Variants in FILIP1L observed in about 807,000 individuals in gnomAD.
FILIP1L encodes filamin A interacting protein 1 like.
A neutral mutation model predicts 96.6 loss-of-function variants in FILIP1L; 55 were observed. That is an observed-to-expected ratio of 0.57 (90% CI 0.46 to 0.71). The LOEUF (loss-of-function observed/expected upper bound fraction) is 0.71. FILIP1L is among the 30% of genes least tolerant of loss of function. The pLI is 0.00. For synonymous variants in FILIP1L, 467 were observed against 473.9 expected, an observed-to-expected ratio of 0.99 and a Z score of 0.19; for missense variants, 1,304 against 1,321.2, an observed-to-expected ratio of 0.99 and a Z score of 0.20.
intron 1 of FILIP1L, among the ~76,000 whole-genome samples, chr3:99,936,369 CT>C (rs548149257): frequency 9.3e-3 from 804 of 86,404 alleles, no homozygotes; most frequent in African/African-American, 0.019. Context: ...AGCTTGAAGC[CT>C]TTTTTTTTTT....
intron 1 of FILIP1L, among the ~76,000 whole-genome samples, chr3:99,959,606 A>C (rs1708435031): frequency 6.6e-6 from 1 of 152,196 alleles, no homozygotes; most frequent in African/African-American, 2.4e-5. Context: ...TAGCAGTCTG[A>C]TAAATTGAAT....
intron 5 of FILIP1L, among the ~76,000 whole-genome samples, chr3:99,832,826 C>G (rs1180833366): frequency 8.3e-6 from 1 of 120,480 alleles, no homozygotes; most frequent in Admixed American, 1.0e-4. Context: ...GGCCACAGAG[C>G]AAGACTCTGT....
chr3:99,855,240 A>C (rs1943903942), intron 4 of FILIP1L, among the ~76,000 whole-genome samples: 1 of 152,176 alleles, frequency 6.6e-6, no homozygotes, highest in Non-Finnish European at 1.5e-5. Context: ...ATTAACTAAA[A>C]TCTGTCCACA....
At chr3:100,071,210 G>T (rs139015215) in intron 1 of FILIP1L, among the ~76,000 whole-genome samples, 8 of 146,722 alleles carry the variant, frequency 5.5e-5, no homozygotes, top group African/African-American at 2.0e-4. Flanking sequence ...GTGGAGAAAA[G>T]AAATTAGATT....
intron 1 of FILIP1L, among the ~76,000 whole-genome samples, chr3:100,085,030 A>G (rs941453542): frequency 1.3e-5 from 2 of 152,202 alleles, no homozygotes; most frequent in Non-Finnish European, 2.9e-5. Flanking sequence ...GCACTTTTAA[A>G]TATGTATGTA....
Position 99,849,351 on chromosome 3 carries a change from C to G in FILIP1L, c.2325G>C (p.Arg775=). 1 of 1,614,102 alleles carries G rather than the reference C, an allele frequency of 6.2e-7. No individual in the cohort carries two copies. The highest frequency in any genetic ancestry group is 8.5e-7 in the Non-Finnish European group (1 of 1,179,988). The change falls in exon 5 of 6, where the codon CGG becomes CGC. Residue 775 remains arginine, a synonymous_variant. Transcript: ENST00000477258. ...ENLTKELERY[R]HFSKSLRPSL... is the part of the protein sequence containing the mutation. ...TAGGCCTGAGGCTCTTACTGAAATG[C>G]CGGTACCTCTCTAACTCCTTAGTGA...
At chr3:100,032,446 C>T (rs561282449) in intron 1 of FILIP1L, among the ~76,000 whole-genome samples, 84 of 152,274 alleles carry the variant, frequency 5.5e-4, no homozygotes, top group South Asian at 3.5e-3. Flanking sequence ...ACATTTTATT[C>T]GGAATGGCAG....
intron 1 of FILIP1L, among the ~76,000 whole-genome samples, chr3:99,971,527 A>G (rs759989228): frequency 6.6e-6 from 1 of 152,172 alleles, no homozygotes; most frequent in Non-Finnish European, 1.5e-5. Context: ...TGCAGATGAA[A>G]ATATGTTAGT....
At chr3:99,940,530 C>T (rs1234838281) in intron 1 of FILIP1L, among the ~76,000 whole-genome samples, 1 of 152,180 alleles carries the variant, frequency 6.6e-6, no homozygotes. Flanking sequence ...ACTGATGTGC[C>T]TATGGTCATG....
chr3:99,888,361 A>G (rs1013374500), intron 4 of FILIP1L, among the ~76,000 whole-genome samples: 6 of 151,998 alleles, frequency 3.9e-5, no homozygotes, highest in Non-Finnish European at 5.9e-5. Flanking sequence ...GTGAGACTCC[A>G]TAGCTTAAAA....
intron 5 of FILIP1L, among the ~76,000 whole-genome samples, chr3:99,838,823 T>C (rs1943004510): frequency 6.6e-6 from 1 of 152,202 alleles, no homozygotes; most frequent in African/African-American, 2.4e-5. Flanking sequence ...AATAAAATAA[T>C]ATTGTATAAT....
chr3:100,000,808 T>C (rs1256826847), intron 1 of FILIP1L, among the ~76,000 whole-genome samples: 2 of 152,258 alleles, frequency 1.3e-5, no homozygotes, highest in Admixed American at 1.3e-4. Context: ...TTGAAATGTG[T>C]ACACAAATAA....
At chr3:100,045,255 C>T (rs779224432) in intron 1 of FILIP1L, among the ~76,000 whole-genome samples, 8 of 152,168 alleles carry the variant, frequency 5.3e-5, no homozygotes, top group African/African-American at 7.2e-5. Flanking sequence ...GAAAGGGATG[C>T]GTACAGCACA....
At chr3:99,908,674 A>G (rs978866864) in intron 4 of FILIP1L, among the ~76,000 whole-genome samples, 2 of 152,198 alleles carry the variant, frequency 1.3e-5, no homozygotes, top group African/African-American at 4.8e-5. Context: ...GGACAATAAT[A>G]TTACCTCCTT....
intron 1 of FILIP1L, among the ~76,000 whole-genome samples, chr3:100,028,064 G>C (rs1197432557): frequency 6.6e-6 from 1 of 152,146 alleles, no homozygotes; most frequent in Non-Finnish European, 1.5e-5. Context: ...GCTATTCTGG[G>C]AATTTAGGAG....
chr3:99,901,496 GA>G (rs951075262), intron 4 of FILIP1L, among the ~76,000 whole-genome samples: 5 of 152,176 alleles, frequency 3.3e-5, no homozygotes, highest in African/African-American at 1.2e-4. Flanking sequence ...GAAACTGATT[GA>G]GTGTTTCAAA....
chr3:99,971,777 A>G (rs1708829742), intron 1 of FILIP1L, among the ~76,000 whole-genome samples: 1 of 152,176 alleles, frequency 6.6e-6, no homozygotes, highest in East Asian at 1.9e-4. Context: ...TCCCTGCAAC[A>G]CCATTCCCAT....
rs374893065 is a variant in FILIP1L at position 99,930,041 on chromosome 3, A to T, written c.253-12T>A. The T allele has an allele frequency of 1.9e-4, 308 of 1,589,264 alleles. No homozygotes were observed. The highest frequency in any genetic ancestry group is 2.5e-4 in the Non-Finnish European group (289 of 1,169,646). ...ACCTCATCTCGAGCCTGTAGGAACA[A>T]AAAGTATTTCAGAAAGCCTGCTGTC... On this transcript the variant is annotated splice_polypyrimidine_tract_variant and intron_variant, in intron 2 of 5. Coordinates refer to ENST00000477258, the MANE Select transcript of FILIP1L (RefSeq NM_001387850.1).
intron 1 of FILIP1L, among the ~76,000 whole-genome samples, chr3:100,061,697 A>G (rs544546187): frequency 6.6e-6 from 1 of 152,290 alleles, no homozygotes; most frequent in East Asian, 1.9e-4. Context: ...AATTCATTTA[A>G]CCCTCACTAC....
Sources: gnomAD v4.1 joint callset for allele counts (sites outside exome capture counted in the v4.1 genomes callset) on GRCh38, gnomAD v4.1.1 for gene constraint, MANE v1.5 for transcripts, NCBI Gene and HGNC (gene_info 2026-07-23, HGNC 2026-07-21) for gene names.